The following ABCA12 variants were observed in gnomAD, a reference collection of about 807,000 sequenced individuals.
ABCA12 encodes the protein glucosylceramide transporter ABCA12.
ABCA12 carries 156 observed loss-of-function variants against 293.5 expected under a neutral mutation model. That is an observed-to-expected ratio of 0.53 (90% CI 0.47 to 0.61). The LOEUF is 0.61. Ranked by LOEUF, ABCA12 falls within the 20% of genes least tolerant of loss-of-function variation. The pLI, the probability that ABCA12 is intolerant of heterozygous loss-of-function variation, is 0.00. For missense variants in ABCA12, 2,797 were observed against 3,090.2 expected, an observed-to-expected ratio of 0.91 and a Z score of 2.25; for synonymous variants, 1,063 against 1,108.0, an observed-to-expected ratio of 0.96 and a Z score of 0.81.
chr2:215,131,322 T>G (rs568466394), intron 1 of ABCA12, among the ~76,000 whole-genome samples: 2 of 152,100 alleles, frequency 1.3e-5, no homozygotes, highest in Admixed American at 6.6e-5. Context: ...CCACCTCTTC[T>G]TTGTACATCT....
At chr2:215,096,106 G>A (rs1702245203) in intron 2 of ABCA12, among the ~76,000 whole-genome samples, 1 of 152,042 alleles carries the variant, frequency 6.6e-6, no homozygotes, top group Non-Finnish European at 1.5e-5. Context: ...TTTAATCTTG[G>A]GCAAGTTACC....
At chr2:214,975,604 C>A (rs531782122) in intron 34 of ABCA12, among the ~76,000 whole-genome samples, 181 bp downstream of exon 34, 119 of 152,234 alleles carry the variant, frequency 7.8e-4, no homozygotes, top group Non-Finnish European at 1.2e-3. Flanking sequence ...CTGAAAAAAA[C>A]TATTTGTTGG....
Position 215,023,008 on chromosome 2 carries a change from G to A in ABCA12, c.1287+2665C>T, listed in dbSNP as rs151169838. On this transcript the variant is annotated intron_variant, in intron 11 of 52. Coordinates refer to ENST00000272895, the MANE Select transcript of ABCA12 (RefSeq NM_173076.3). ...GAGAAAACACAAAAGTTCAAGAAGAGCAGAATGTTCCGGCAAGGAGAAAAA... is the reference window on the plus strand; with the variant it reads ...GAGAAAACACAAAAGTTCAAGAAGAACAGAATGTTCCGGCAAGGAGAAAAA... 3.9e-5 allele frequency: 6 copies of A among 152,304 alleles called. No homozygotes were observed. In the East Asian group the frequency reaches 1.2e-3, roughly 29 times the overall value. 9.4% of individuals were successfully genotyped at this position (152,304 alleles called of 1,614,324 possible). A position where few individuals can be genotyped will look rare whatever the true frequency, so the allele number is the denominator to read the frequency against.
chr2:214,934,492 G>A (rs970460218), intron 51 of ABCA12, among the ~76,000 whole-genome samples: 2 of 152,130 alleles, frequency 1.3e-5, no homozygotes, highest in Non-Finnish European at 2.9e-5. Flanking sequence ...ATCTTGCCTG[G>A]AAAAGAATTT....
chr2:215,015,375 T>C, intron 15 of ABCA12, 115 bp downstream of exon 15: 1 of 1,128,854 alleles, frequency 8.9e-7, no homozygotes, highest in Non-Finnish European at 1.3e-6. Context: ...ATGCAATAAT[T>C]CCAAAAGCCG....
At chr2:215,060,739 CTAA>C (rs1575017709) in intron 3 of ABCA12, among the ~76,000 whole-genome samples, 1 of 152,008 alleles carries the variant, frequency 6.6e-6, no homozygotes, top group African/African-American at 2.4e-5. Context: ...TCTTACACTC[CTAA>C]TAATATCTTT....
At chr2:214,954,587 C>T (rs975552487) in intron 43 of ABCA12, among the ~76,000 whole-genome samples, 1 of 152,194 alleles carries the variant, frequency 6.6e-6, no homozygotes, top group African/African-American at 2.4e-5. Context: ...ATTATTCACA[C>T]GTGGGCCAAC....
At chr2:215,013,640 T>C (rs1378066491) in intron 15 of ABCA12, 1 of 154,362 alleles carries the variant, frequency 6.5e-6, no homozygotes, top group Non-Finnish European at 1.5e-5. Context: ...ACAGCAAATA[T>C]TTAGTTTGAT....
intron 2 of ABCA12, among the ~76,000 whole-genome samples, chr2:215,095,779 C>G (rs1403468767): frequency 6.6e-6 from 1 of 152,106 alleles, no homozygotes; most frequent in Non-Finnish European, 1.5e-5. Context: ...ATGACATTAC[C>G]TTGTGAAATT....
chr2:214,995,085 CT>C (rs375183521), intron 23 of ABCA12, among the ~76,000 whole-genome samples: 39 of 152,086 alleles, frequency 2.6e-4, no homozygotes, highest in African/African-American at 8.4e-4. Context: ...TTTTTAAGTA[CT>C]TTTTTTATAC....
intron 2 of ABCA12, among the ~76,000 whole-genome samples, chr2:215,095,428 A>C (rs1702231014): frequency 1.3e-5 from 2 of 152,096 alleles, no homozygotes; most frequent in Admixed American, 1.3e-4. Flanking sequence ...AGGCCACATC[A>C]ATCATTCTAT....
At chr2:215,077,818 CT>C (rs36018317) in intron 2 of ABCA12, among the ~76,000 whole-genome samples, 75 of 152,306 alleles carry the variant, frequency 4.9e-4, no homozygotes, top group African/African-American at 1.8e-3. Flanking sequence ...CCCATCTCAG[CT>C]GGTTTTTGGA....
chr2:215,134,357 T>G (rs1161625881), intron 1 of ABCA12, among the ~76,000 whole-genome samples: 2 of 140,994 alleles, frequency 1.4e-5, no homozygotes, highest in Non-Finnish European at 3.1e-5. Context: ...TGTGTATATA[T>G]GTATATGTGT....
At position 214,974,051 on chromosome 2, in the gene ABCA12, T is replaced by C; in HGVS notation, c.5469-9A>G. On this transcript the variant is annotated splice_polypyrimidine_tract_variant and intron_variant, in intron 35 of 52. Coordinates refer to ENST00000272895, the MANE Select transcript of ABCA12 (RefSeq NM_173076.3). ...CTTTGTTTAAACACTGTCTGCAAGTTAAAATGATATTGCTGTGAGGTGTGT... is the reference window on the plus strand; with the variant it reads ...CTTTGTTTAAACACTGTCTGCAAGTCAAAATGATATTGCTGTGAGGTGTGT... 1.2e-6 allele frequency: 2 copies of C among 1,609,912 alleles called. No homozygotes were observed. The highest frequency in any genetic ancestry group is 1.7e-6 in the Non-Finnish European group (2 of 1,176,234).
At chr2:214,951,588 C>G (rs1360138042) in intron 44 of ABCA12, among the ~76,000 whole-genome samples, 5 of 152,140 alleles carry the variant, frequency 3.3e-5, no homozygotes, top group Non-Finnish European at 7.3e-5. Flanking sequence ...AAAACCCTGT[C>G]TCTACTAAAA....
intron 2 of ABCA12, among the ~76,000 whole-genome samples, chr2:215,073,599 A>G (rs1165395963): frequency 1.3e-5 from 2 of 151,988 alleles, no homozygotes; most frequent in African/African-American, 4.8e-5. Context: ...CCCTTTCCAC[A>G]GATCCAGCAA....
chr2:214,987,372 AC>A (rs1456756942), intron 27 of ABCA12, among the ~76,000 whole-genome samples: 1 of 149,636 alleles, frequency 6.7e-6, no homozygotes, highest in East Asian at 2.0e-4. Flanking sequence ...TGGCCAAGGA[AC>A]AAAATTTTTC....
At chr2:214,935,440 G>T (rs1045332206) in intron 51 of ABCA12, among the ~76,000 whole-genome samples, 6 of 152,160 alleles carry the variant, frequency 3.9e-5, no homozygotes, top group African/African-American at 1.4e-4. Flanking sequence ...GTGCAAGAAA[G>T]ATGTCCTTTT....
At chr2:215,014,990 A>G (rs1034731398) in intron 15 of ABCA12, among the ~76,000 whole-genome samples, 1 of 152,212 alleles carries the variant, frequency 6.6e-6, no homozygotes, top group African/African-American at 2.4e-5. Context: ...CTAAGCTCTA[A>G]TAACAACCAT....
Sources: gnomAD v4.1 joint callset for allele counts (sites outside exome capture counted in the v4.1 genomes callset) on GRCh38, gnomAD v4.1.1 for gene constraint, MANE v1.5 for transcripts, NCBI Gene and HGNC (gene_info 2026-07-23, HGNC 2026-07-21) for gene names.